Variants in TBC1D9B observed in about 807,000 individuals in gnomAD.
The protein encoded by TBC1D9B is TBC1 domain family member 9B.
Under a neutral mutation model 121.1 loss-of-function variants are expected in TBC1D9B, and 87 were observed. That is an observed-to-expected ratio of 0.72 (90% CI 0.60 to 0.86). The LOEUF (loss-of-function observed/expected upper bound fraction) is 0.86. Among genes scored for constraint, TBC1D9B ranks in the 40% least tolerant of loss-of-function variants. The pLI is 0.00. For missense variants in TBC1D9B, 1,540 were observed against 1,628.6 expected (o/e 0.95, Z 0.94); for synonymous variants, 668 against 670.1 (o/e 1.00, Z 0.05).
In TBC1D9B at chr5:179,902,433, C is replaced by A. The variant is rs538841517; in HGVS notation, c.229+2269G>T. Among the ~76,000 whole-genome samples the A allele has an allele frequency of 5.0e-3, 762 of 152,278 alleles. 1 individual carries two copies. The highest frequency in any genetic ancestry group is 8.3e-3 in the Non-Finnish European group (565 of 68,012). On this transcript the variant is annotated intron_variant, in intron 2 of 20. Transcript: ENST00000355235. This position sits in a 1 kb window ranked among gnomAD's most constrained non-coding sequence, Gnocchi z 4.9. ...ACTCACTAAGCAGGTGCTGGCAGGG[C>A]CATGTCTGGTCTTGGTGAGTTGCTT...
At chr5:179,905,522 C>T (rs924179969) in intron 1 of TBC1D9B, among the ~76,000 whole-genome samples, 2 of 152,154 alleles carry the variant, frequency 1.3e-5, no homozygotes, top group Non-Finnish European at 2.9e-5. Flanking sequence ...TGAACTGAAA[C>T]ATTTGAGGGC....
chr5:179,891,621 G>C lies in TBC1D9B; in HGVS notation c.837-35C>G. 6.2e-7 allele frequency: 1 copy of C among 1,605,728 alleles called. No individual in the cohort carries two copies. Among genetic ancestry groups the C allele is most frequent in the Non-Finnish European group, 8.5e-7 (1 of 1,177,440 alleles). On this transcript the variant is annotated intron_variant, in intron 5 of 20. Transcript: ENST00000355235. This position sits in a 1 kb window ranked among gnomAD's most constrained non-coding sequence, Gnocchi z 4.3. Reference sequence around the variant, plus strand: ...CAAGGTAGGAGGACAGGAGGAAAGGGGACAAGGTCAGGACCAGCACACTCT... The same window carrying C: ...CAAGGTAGGAGGACAGGAGGAAAGGCGACAAGGTCAGGACCAGCACACTCT...
intron 2 of TBC1D9B, among the ~76,000 whole-genome samples, chr5:179,903,430 A>G (rs1761218398): frequency 6.6e-6 from 1 of 152,088 alleles, no homozygotes; most frequent in African/African-American, 2.4e-5. Context: ...GTGCGCTTCC[A>G]CCTAGGAGGA....
At position 179,890,895 on chromosome 5, in the gene TBC1D9B, G is replaced by A. The variant is rs930529308; in HGVS notation, c.1044+484C>T. On this transcript the variant is annotated intron_variant, in intron 6 of 20. Transcript: ENST00000355235. This position sits in a 1 kb window ranked among gnomAD's most constrained non-coding sequence, Gnocchi z 5.0. ...CAATGCAGCCTCACAGGGGAGAGCCGACGCCGCCCCACAGGGGAGAGCCGA... is the reference window on the plus strand; with the variant it reads ...CAATGCAGCCTCACAGGGGAGAGCCAACGCCGCCCCACAGGGGAGAGCCGA... 2.0e-5 allele frequency among the ~76,000 whole-genome samples: 3 copies of A among 152,156 alleles called. No individual in the cohort carries two copies. The highest frequency in any genetic ancestry group is 2.0e-4 in the Admixed American group (3 of 15,280).
chr5:179,894,064 C>G lies in TBC1D9B; in HGVS notation c.577+322G>C, dbSNP rs1410206187. The stretch of plus-strand genomic sequence containing the variant: ...GCAGATGAGGGCTGTGGCACGCACC[C>G]AAGGCATTGCATGACATGGAATCAC... On this transcript the variant is annotated intron_variant, in intron 4 of 20. Transcript: ENST00000355235. Among the ~76,000 whole-genome samples the G allele has an allele frequency of 3.3e-5, 5 of 152,248 alleles. No homozygotes were observed. The Middle Eastern group carries it at 0.014, about 414-fold the overall frequency.
rs1759882420 is a variant in TBC1D9B at position 179,862,791 on chromosome 5, C to T, written c.*657G>A. 3.0e-6 allele frequency: 1 copy of T among 336,910 alleles called. No individual in the cohort carries two copies. The highest frequency in any genetic ancestry group is 6.1e-6 in the Non-Finnish European group (1 of 164,660). 20.9% of individuals were successfully genotyped at this position (336,910 alleles called of 1,614,324 possible). On this transcript the variant is annotated 3_prime_UTR_variant, in exon 21 of 21. Transcript: ENST00000355235. The stretch of plus-strand genomic sequence containing the variant: ...GCATTGAGCACAGTGTAATTTCTAG[C>T]CAAGTGAAATGAATCCAAGGAAATA...
chr5:179,904,909 T>C lies in TBC1D9B; in HGVS notation c.119-97A>G. On this transcript the variant is annotated intron_variant, in intron 1 of 20. Transcript: ENST00000355235. This position sits in a 1 kb window ranked among gnomAD's most constrained non-coding sequence, Gnocchi z 4.2. ...CCGGAGGCAGACAGGATGGTGACGC[T>C]ACCCAAAGGGTCCAGCCCAACGAGG... is the stretch of plus-strand genomic sequence containing the variant. 1 of 937,092 alleles carries C rather than the reference T, an allele frequency of 1.1e-6. No homozygotes were observed. The highest frequency in any genetic ancestry group is 1.6e-6 in the Non-Finnish European group (1 of 631,806). 58.0% of individuals were successfully genotyped at this position (937,092 alleles called of 1,614,324 possible). A position where few individuals can be genotyped will look rare whatever the true frequency, so the allele number is the denominator to read the frequency against.
intron 10 of TBC1D9B, among the ~76,000 whole-genome samples, chr5:179,877,916 G>A (rs1561638249): frequency 6.6e-6 from 1 of 152,164 alleles, no homozygotes; most frequent in Non-Finnish European, 1.5e-5. Context: ...ATGTTTAATG[G>A]GCACAGAGCT....
chr5:179,890,688 G>T lies in TBC1D9B; in HGVS notation c.1044+691C>A, dbSNP rs977658669. On this transcript the variant is annotated intron_variant, in intron 6 of 20. Coordinates refer to ENST00000355235, the MANE Select transcript of TBC1D9B (RefSeq NM_015043.4). This position sits in a 1 kb window ranked among gnomAD's most constrained non-coding sequence, Gnocchi z 5.0. ...CTTATAATTAAACAGTCAGAGCCCT[G>T]CTTGGCCACAAGGAAAAGGAGGCCT... 3.9e-5 allele frequency among the ~76,000 whole-genome samples: 6 copies of T among 152,214 alleles called. No individual in the cohort carries two copies. Among genetic ancestry groups the T allele is most frequent in the African/African-American group, 1.2e-4 (5 of 41,448 alleles).
In TBC1D9B at chr5:179,890,610, G is replaced by T. The variant is rs889193116; in HGVS notation, c.1044+769C>A. On this transcript the variant is annotated intron_variant, in intron 6 of 20. Coordinates refer to ENST00000355235, the MANE Select transcript of TBC1D9B (RefSeq NM_015043.4). The surrounding 1 kb of genome is among the most constrained non-coding windows in gnomAD (Gnocchi z 5.0). ...TCTCAGCTACATCTGCAACTTGAGG[G>T]ATTTGTGCAAATGGCAGGGAGGTCT... 2.0e-5 allele frequency among the ~76,000 whole-genome samples: 3 copies of T among 152,200 alleles called. No homozygotes were observed. Among genetic ancestry groups the T allele is most frequent in the Admixed American group, 6.5e-5 (1 of 15,288 alleles).
rs746014899 is a variant in TBC1D9B at position 179,878,275 on chromosome 5, G to C, written c.1782+34C>G. ...CTGCTCCTGTGAACCTCTGGTGGCA[G>C]ATGCTGTCTCTGGGCCCCTGTCAGG... On this transcript the variant is annotated intron_variant, in intron 10 of 20. Transcript: ENST00000355235. 6 of 1,585,130 alleles carry C rather than the reference G, an allele frequency of 3.8e-6. No individual in the cohort carries two copies. In the Admixed American group the frequency reaches 1.1e-4, roughly 29 times the overall value.
chr5:179,878,903 A>AGAGCCCG, intron 9 of TBC1D9B, 144 bp downstream of exon 9: 6 of 1,207,540 alleles, frequency 5.0e-6, no homozygotes, highest in African/African-American at 3.1e-5. Flanking sequence ...CCCAGAGCCC[A>AGAGCCCG]GAGCCCGGCT....
Position 179,904,415 on chromosome 5 carries a change from C to T in TBC1D9B, c.229+287G>A, listed in dbSNP as rs187181033. On this transcript the variant is annotated intron_variant, in intron 2 of 20. Transcript: ENST00000355235. The surrounding 1 kb of genome is among the most constrained non-coding windows in gnomAD (Gnocchi z 4.2). ...AATTTTTTGTGTTTTTTAGTAGAGA[C>T]GTGGTTTCACCGTGTTAGCCAGGAT... is the stretch of plus-strand genomic sequence containing the variant. Among the ~76,000 whole-genome samples the T allele has an allele frequency of 2.4e-3, 372 of 152,116 alleles. 1 individual carries two copies. Among genetic ancestry groups the T allele is most frequent in the African/African-American group, 8.7e-3 (362 of 41,474 alleles).
At chr5:179,871,633 G>A (rs1760202034) in intron 14 of TBC1D9B, 103 bp from the exon 15 acceptor site, 3 of 1,268,582 alleles carry the variant, frequency 2.4e-6, no homozygotes, top group African/African-American at 1.5e-5. Flanking sequence ...GCAAGGGTGT[G>A]AACCGCCCTC....
intron 15 of TBC1D9B, chr5:179,870,752 C>G: frequency 1.9e-6 from 1 of 514,052 alleles, no homozygotes; most frequent in Non-Finnish European, 3.4e-6. Context: ...CTGCTGGCCC[C>G]AGAGAAGGGC....
chr5:179,872,736 C>G, intron 14 of TBC1D9B, 156 bp downstream of exon 14: 1 of 680,874 alleles, frequency 1.5e-6, no homozygotes, highest in South Asian at 1.9e-5. Context: ...CCCACCTACA[C>G]CCCTGGATCC....
chr5:179,896,842 T>TA (rs1761034794), intron 3 of TBC1D9B, among the ~76,000 whole-genome samples: 1 of 152,180 alleles, frequency 6.6e-6, no homozygotes. Flanking sequence ...TCTAAATTCT[T>TA]AAAGGTACTG....
Position 179,907,194 on chromosome 5 carries a change from G to T in TBC1D9B, c.118+510C>A, listed in dbSNP as rs1443539005. Among the ~76,000 whole-genome samples, 1 of 152,174 alleles carries T rather than the reference G, an allele frequency of 6.6e-6. No individual in the cohort carries two copies. Among genetic ancestry groups the T allele is most frequent in the Non-Finnish European group, 1.5e-5 (1 of 68,010 alleles). ...GGGAGGAGAAGCTGGGGGAATGGGG[G>T]TGCGGCCAGCTCCAGGGACCTCTGA... On this transcript the variant is annotated intron_variant, in intron 1 of 20. Transcript: ENST00000355235. This position sits in a 1 kb window ranked among gnomAD's most constrained non-coding sequence, Gnocchi z 5.3.
chr5:179,898,961 C>T (rs775319159), intron 3 of TBC1D9B, among the ~76,000 whole-genome samples: 1 of 152,182 alleles, frequency 6.6e-6, no homozygotes, highest in Non-Finnish European at 1.5e-5. Flanking sequence ...ATGGAAGCCC[C>T]GCACTAGGCT....
Sources: gnomAD v4.1 joint callset for allele counts (sites outside exome capture counted in the v4.1 genomes callset) on GRCh38, gnomAD v4.1.1 for gene constraint, Gnocchi (gnomAD v3.1) non-coding constraint, MANE v1.5 for transcripts, NCBI Gene and HGNC (gene_info 2026-07-23, HGNC 2026-07-21) for gene names.